The following GMEB2 variants were observed in gnomAD, a reference collection of about 807,000 sequenced individuals.
GMEB2 encodes glucocorticoid modulatory element binding protein 2, also known as glucocorticoid modulatory element-binding protein 2.
In GMEB2, 7 loss-of-function variants were observed where a neutral mutation model predicts 45.7. That is an observed-to-expected ratio of 0.15 (90% confidence interval 0.09 to 0.29). The LOEUF is 0.29. Ranked by LOEUF, GMEB2 falls within the 10% of genes least tolerant of loss-of-function variation. GMEB2 has a pLI of 1.00. For missense variants in GMEB2, 582 were observed against 739.2 expected, an observed-to-expected ratio of 0.79 and a Z score of 2.47; for synonymous variants, 322 against 323.6, an observed-to-expected ratio of 1.00 and a Z score of 0.05.
At chr20:63,617,841 C>T (rs1294990802) in intron 2 of GMEB2, among the ~76,000 whole-genome samples, 1 of 151,902 alleles carries the variant, frequency 6.6e-6, no homozygotes, top group Non-Finnish European at 1.5e-5. Flanking sequence ...CACCCAGACG[C>T]CTGGGTGGGT....
At chr20:63,608,493 C>T (rs1429067291) in intron 2 of GMEB2, among the ~76,000 whole-genome samples, 1 of 11,010 alleles carries the variant, frequency 9.1e-5, no homozygotes, top group Admixed American at 3.8e-4. Flanking sequence ...CCCTCTGACC[C>T]CACCTCCATT....
chr20:63,594,080 C>T (rs1197982904), intron 6 of GMEB2, among the ~76,000 whole-genome samples: 5 of 152,256 alleles, frequency 3.3e-5, no homozygotes, highest in Non-Finnish European at 5.9e-5. Context: ...GCCTTTTCCA[C>T]ATTCATCAAA....
intron 2 of GMEB2, among the ~76,000 whole-genome samples, chr20:63,613,261 C>T (rs2089584027): frequency 6.6e-6 from 1 of 152,198 alleles, no homozygotes; most frequent in African/African-American, 2.4e-5. Context: ...CTTTTAACAT[C>T]CTAGAAAAAA....
At chr20:63,621,667 C>CAAAAA (rs56222018) in intron 1 of GMEB2, among the ~76,000 whole-genome samples, 10 of 54,604 alleles carry the variant, frequency 1.8e-4, no homozygotes, top group South Asian at 1.0e-3. Context: ...AACTCCATCT[C>CAAAAA]AAAAAAAAAA....
At chr20:63,595,586 G>C (rs770768497) in intron 6 of GMEB2, 24 bp downstream of exon 6, 6 of 1,573,902 alleles carry the variant, frequency 3.8e-6, no homozygotes, top group Non-Finnish European at 5.2e-6. Flanking sequence ...GGCTGGGTCA[G>C]GACGAGCAGC....
intron 2 of GMEB2, among the ~76,000 whole-genome samples, chr20:63,616,031 T>C (rs1182977468): frequency 2.6e-5 from 4 of 152,264 alleles, no homozygotes; most frequent in African/African-American, 9.6e-5. Flanking sequence ...AATTTTCTTT[T>C]TCTTTCTAAA....
At chr20:63,604,191 C>T (rs1218198168) in intron 3 of GMEB2, among the ~76,000 whole-genome samples, 2 of 127,334 alleles carry the variant, frequency 1.6e-5, no homozygotes, top group Non-Finnish European at 3.3e-5. Flanking sequence ...CAGTGGGACC[C>T]TATTTCTTGA....
Position 63,619,443 on chromosome 20 carries a change from G to T in GMEB2, c.-46C>A. On this transcript the variant is annotated 5_prime_UTR_variant, in exon 2 of 10. The change creates a new upstream start codon in the 5' untranslated region. Transcript: ENST00000370077. The surrounding 1 kb of genome is among the most constrained non-coding windows in gnomAD (Gnocchi z 4.6). Reference sequence around the variant, plus strand: ...CCAGGCCAGCAGCGTCAGTCCTCCAGGGTCCCAAGTCCTGGAGGAAGCAAG... The same window carrying T: ...CCAGGCCAGCAGCGTCAGTCCTCCATGGTCCCAAGTCCTGGAGGAAGCAAG... 1 of 1,594,550 alleles carries T rather than the reference G, an allele frequency of 6.3e-7. No homozygotes were observed.
In GMEB2 at chr20:63,590,476, C is replaced by T. The variant is rs2083136241; in HGVS notation, c.1206G>A (p.Val402=). 4.6e-6 allele frequency: 7 copies of T among 1,505,606 alleles called. No homozygotes were observed. The highest frequency in any genetic ancestry group is 5.4e-6 in the Non-Finnish European group (6 of 1,120,958). The allele number at this position is 1,505,606 out of a possible 1,614,324, so 93.3% of individuals were successfully genotyped here. The change falls in exon 10 of 10, where the codon GTG becomes GTA. Residue 402 remains valine (V), a synonymous_variant. Transcript: ENST00000370077. ...CCAGGACGGTGGACGGCAGGGTGGA[C>T]ACCACTTTACCAAGGGGCACGCTGG... The part of the protein sequence containing the change: ...QLTSVPLGKV[V]STLPSTVLGK...
chr20:63,615,572 C>T (rs2089602341), intron 2 of GMEB2, among the ~76,000 whole-genome samples: 1 of 152,156 alleles, frequency 6.6e-6, no homozygotes, highest in African/African-American at 2.4e-5. Flanking sequence ...GCAACCCTCC[C>T]ACCTCAGCCT....
At chr20:63,618,285 CAG>C (rs2089623130) in intron 2 of GMEB2, among the ~76,000 whole-genome samples, 1 of 152,202 alleles carries the variant, frequency 6.6e-6, no homozygotes, top group South Asian at 2.1e-4. Flanking sequence ...GTGGATGAGA[CAG>C]GGGAGGACAG....
chr20:63,592,015 A>G lies in GMEB2; in HGVS notation c.952+7T>C. The G allele has an allele frequency of 6.2e-7, 1 of 1,607,640 alleles. No homozygotes were observed. Among genetic ancestry groups the G allele is most frequent in the Non-Finnish European group, 8.5e-7 (1 of 1,178,730 alleles). ...CAGGGGACGGGACGGGGGTGGTCTCAGCATACCTGCCAGGTCCCGGGCGTA... is the reference window on the plus strand; with the variant it reads ...CAGGGGACGGGACGGGGGTGGTCTCGGCATACCTGCCAGGTCCCGGGCGTA... On this transcript the variant is annotated splice_region_variant and intron_variant, in intron 9 of 9. Transcript: ENST00000370077. This position sits in a 1 kb window ranked among gnomAD's most constrained non-coding sequence, Gnocchi z 8.2.
chr20:63,595,312 G>GGCACTCTC (rs2083186630), intron 6 of GMEB2, among the ~76,000 whole-genome samples: 1 of 152,088 alleles, frequency 6.6e-6, no homozygotes, highest in Admixed American at 6.5e-5. Context: ...TGGGCGCCCA[G>GGCACTCTC]GCACTCTCTG....
chr20:63,600,704 G>A (rs2083235575), intron 4 of GMEB2, among the ~76,000 whole-genome samples: 1 of 105,502 alleles, frequency 9.5e-6, no homozygotes, highest in Non-Finnish European at 1.8e-5. Context: ...GGCAACAGAG[G>A]AAGACTCCAT....
intron 2 of GMEB2, among the ~76,000 whole-genome samples, chr20:63,605,298 C>T (rs557628126): frequency 2.6e-5 from 4 of 151,204 alleles, no homozygotes; most frequent in African/African-American, 7.3e-5. Context: ...TTTGGGAGGC[C>T]GAGGCAGGTG....
At chr20:63,616,389 A>G (rs553781726) in intron 2 of GMEB2, among the ~76,000 whole-genome samples, 64 of 152,358 alleles carry the variant, frequency 4.2e-4, no homozygotes, top group African/African-American at 1.5e-3. Context: ...GGTTGTAGTG[A>G]GCCGAGATCA....
rs2089634277 is a variant in GMEB2, at chr20:63,619,957, G to GT, written c.-57-504dup. On this transcript the variant is annotated intron_variant, in intron 1 of 9. Coordinates refer to ENST00000370077, the MANE Select transcript of GMEB2 (RefSeq NM_012384.5). The surrounding 1 kb of genome is among the most constrained non-coding windows in gnomAD (Gnocchi z 4.6). ...GCCCTGGGTTTTTTTGGGTTTTTGG[G>GT]TTTTTTTTGAGACGGAGTCTCGCTC... is the stretch of plus-strand genomic sequence containing the variant. 4 of 152,306 alleles carry GT rather than the reference G, an allele frequency of 2.6e-5. No individual in the cohort carries two copies. In the South Asian group the frequency reaches 6.2e-4, roughly 24 times the overall value. The allele number at this position is 152,306 out of a possible 1,614,324, so 9.4% of individuals were successfully genotyped here.
intron 1 of GMEB2, among the ~76,000 whole-genome samples, chr20:63,626,744 C>T (rs928479427): frequency 6.8e-6 from 1 of 148,026 alleles, no homozygotes; most frequent in Non-Finnish European, 1.5e-5. Flanking sequence ...GCAGGAAGCG[C>T]CGCCGCCCGC....
chr20:63,591,203 CAATG>C (rs1469154130), intron 9 of GMEB2, among the ~76,000 whole-genome samples: 1 of 143,078 alleles, frequency 7.0e-6, no homozygotes, highest in African/African-American at 2.5e-5. Context: ...TGCACACACA[CAATG>C]AACACAAACA....
Sources: gnomAD v4.1 joint callset for allele counts (sites outside exome capture counted in the v4.1 genomes callset) on GRCh38, gnomAD v4.1.1 for gene constraint, Gnocchi (gnomAD v3.1) non-coding constraint, MANE v1.5 for transcripts, NCBI Gene and HGNC (gene_info 2026-07-23, HGNC 2026-07-21) for gene names.